Variants in CAMKMT observed in about 807,000 individuals in gnomAD.
CAMKMT encodes calmodulin-lysine N-methyltransferase, also known as CaM KMT.
Under a neutral mutation model 48.0 loss-of-function variants are expected in CAMKMT, and 53 were observed. That is an observed-to-expected ratio of 1.10 (90% CI 0.89 to 1.39). The LOEUF (loss-of-function observed/expected upper bound fraction) is 1.39. Ranked by LOEUF, CAMKMT falls within the 40% of genes most tolerant of loss-of-function variation. The probability of loss-of-function intolerance (pLI) is 0.00; values close to 1 mark genes in which losing one functional copy is unlikely to be tolerated. For missense variants in CAMKMT, 428 were observed against 402.7 expected (o/e 1.06, Z -0.54); for synonymous variants, 165 against 152.3 (o/e 1.08, Z -0.61).
intron 5 of CAMKMT, 34 bp from the exon 6 acceptor site, chr2:44,707,365 C>A (rs906014104): frequency 4.4e-6 from 7 of 1,601,582 alleles, no homozygotes; most frequent in Non-Finnish European, 6.0e-6. Flanking sequence ...AGCATATTTG[C>A]TCATTGTTTG....
intron 3 of CAMKMT, among the ~76,000 whole-genome samples, chr2:44,455,498 T>C (rs893909026): frequency 6.6e-6 from 1 of 152,204 alleles, no homozygotes; most frequent in South Asian, 2.1e-4. Context: ...TTGTCATTCA[T>C]TGCAGCTGTA....
intron 3 of CAMKMT, among the ~76,000 whole-genome samples, chr2:44,604,462 T>C (rs751658795): frequency 2.0e-5 from 3 of 151,724 alleles, no homozygotes; most frequent in East Asian, 1.9e-4. Context: ...AAACCCCATG[T>C]AGTAGGGTAA....
intron 3 of CAMKMT, among the ~76,000 whole-genome samples, chr2:44,691,203 A>C (rs1676635133): frequency 6.6e-6 from 1 of 152,188 alleles, no homozygotes; most frequent in South Asian, 2.1e-4. Flanking sequence ...CACTGCGGTG[A>C]TGGCTATGAC....
chr2:44,427,913 A>G (rs1260965141), intron 3 of CAMKMT, among the ~76,000 whole-genome samples: 1 of 152,164 alleles, frequency 6.6e-6, no homozygotes, highest in Non-Finnish European at 1.5e-5. Flanking sequence ...CTTGTGGGAA[A>G]GGGAGCATAC....
At chr2:44,627,406 A>G (rs1469898584) in intron 3 of CAMKMT, among the ~76,000 whole-genome samples, 2 of 152,146 alleles carry the variant, frequency 1.3e-5, no homozygotes, top group African/African-American at 2.4e-5. Flanking sequence ...CGTAAAATAC[A>G]CTGGCAAATG....
At chr2:44,656,702 C>A (rs1420737010) in intron 3 of CAMKMT, among the ~76,000 whole-genome samples, 1 of 152,030 alleles carries the variant, frequency 6.6e-6, no homozygotes, top group Non-Finnish European at 1.5e-5. Context: ...AGGTCCCCCC[C>A]ACCCCACCTT....
intron 3 of CAMKMT, among the ~76,000 whole-genome samples, chr2:44,675,688 C>A (rs1464318113): frequency 1.3e-5 from 2 of 151,764 alleles, no homozygotes; most frequent in African/African-American, 4.8e-5. Context: ...TAAAATTTAC[C>A]ATTTGCATCA....
chr2:44,655,369 T>C (rs1235420417), intron 3 of CAMKMT, among the ~76,000 whole-genome samples: 1 of 152,228 alleles, frequency 6.6e-6, no homozygotes, highest in Non-Finnish European at 1.5e-5. Flanking sequence ...ATCAGTTTCC[T>C]CATTCTTTTC....
intron 3 of CAMKMT, among the ~76,000 whole-genome samples, chr2:44,428,322 A>G (rs979439588): frequency 1.3e-5 from 2 of 152,212 alleles, no homozygotes; most frequent in African/African-American, 2.4e-5. Context: ...CTCTTTGACC[A>G]TAGTCTCTGA....
intron 3 of CAMKMT, among the ~76,000 whole-genome samples, chr2:44,573,042 T>C (rs1669008771): frequency 1.3e-5 from 2 of 152,042 alleles, no homozygotes; most frequent in Non-Finnish European, 2.9e-5. Flanking sequence ...GCTATTACTG[T>C]TAGTAATAGT....
At chr2:44,687,842 G>A (rs1198057461) in intron 3 of CAMKMT, among the ~76,000 whole-genome samples, 2 of 152,310 alleles carry the variant, frequency 1.3e-5, no homozygotes, top group East Asian at 1.9e-4. Flanking sequence ...AAAGCAAAAA[G>A]CAGCCTGAGT....
At chr2:44,400,673 T>C (rs1682286048) in intron 3 of CAMKMT, 1 of 152,014 alleles carries the variant, frequency 6.6e-6, no homozygotes, top group African/African-American at 2.4e-5. Flanking sequence ...GAAATATTTT[T>C]TCCCATACCA....
At position 44,751,195 on chromosome 2, in the gene CAMKMT, T is replaced by C. The variant is rs544122513; in HGVS notation, c.699-2860T>C. 1.2e-4 allele frequency among the ~76,000 whole-genome samples: 19 copies of C among 152,292 alleles called. No individual in the cohort carries two copies. The South Asian group carries it at 2.9e-3, about 23-fold the overall frequency. On this transcript the variant is annotated intron_variant, in intron 8 of 10. Transcript: ENST00000378494. ...ATGGATGCAAGTAAACAGGGATGGC[T>C]TTCTCGACCAACCCCGCCTAACTCT...
chr2:44,713,780 A>C (rs1040732567), intron 6 of CAMKMT, among the ~76,000 whole-genome samples: 2 of 152,160 alleles, frequency 1.3e-5, no homozygotes, highest in African/African-American at 4.8e-5. Flanking sequence ...TCAGAGAAGA[A>C]ATGGGTGTGC....
chr2:44,715,288 T>C lies in CAMKMT; in HGVS notation c.558T>C (p.Asn186=). Residue 186 remains asparagine (N), a splice_region_variant and synonymous_variant, in exon 7 of 11, where the codon AAT becomes AAC. Coordinates refer to ENST00000378494, the MANE Select transcript of CAMKMT (RefSeq NM_024766.5). ...LTDGNEKAIR[N]VQDIITRNQK... ...TGTTTTCTTAACTGTGTCCTGTAGA[T>C]GTGCAAGACATCATCACAAGGAATC... 6.2e-7 allele frequency: 1 copy of C among 1,612,104 alleles called. No individual in the cohort carries two copies. The highest frequency in any genetic ancestry group is 1.1e-5 in the South Asian group (1 of 91,008).
chr2:44,545,467 G>A (rs771713187), intron 3 of CAMKMT, among the ~76,000 whole-genome samples: 5 of 152,168 alleles, frequency 3.3e-5, no homozygotes, highest in South Asian at 2.1e-4. Context: ...GCTCTTCCTC[G>A]TGGAACTTAT....
intron 3 of CAMKMT, among the ~76,000 whole-genome samples, chr2:44,433,465 G>C (rs1684768937): frequency 6.6e-6 from 1 of 151,780 alleles, no homozygotes; most frequent in Non-Finnish European, 1.5e-5. Flanking sequence ...TCATAAGTTT[G>C]TATACGAAAA....
At position 44,588,617 on chromosome 2, in the gene CAMKMT, G is replaced by A. The variant is rs1371044020; in HGVS notation, c.377-115666G>A. 3.3e-4 allele frequency among the ~76,000 whole-genome samples: 13 copies of A among 39,546 alleles called. 3 individuals carry two copies. The highest frequency in any genetic ancestry group is 5.7e-4 in the Non-Finnish European group (11 of 19,150). 25.9% of individuals were successfully genotyped at this position (39,546 alleles called of 152,430 possible). A position where few individuals can be genotyped will look rare whatever the true frequency, so the allele number is the denominator to read the frequency against. On this transcript the variant is annotated intron_variant, in intron 3 of 10. Coordinates refer to ENST00000378494, the MANE Select transcript of CAMKMT (RefSeq NM_024766.5). Reference sequence around the variant, plus strand: ...GAGGGAGGTGGGGGGTCAGCCCCCCGCCCGGCCAGCCGCCCAGTCCGGGAG... The same window carrying A: ...GAGGGAGGTGGGGGGTCAGCCCCCCACCCGGCCAGCCGCCCAGTCCGGGAG...
At chr2:44,479,395 G>T (rs1299872099) in intron 3 of CAMKMT, among the ~76,000 whole-genome samples, 1 of 152,146 alleles carries the variant, frequency 6.6e-6, no homozygotes, top group Admixed American at 6.5e-5. Flanking sequence ...CAGAGTTCAC[G>T]GTTGTGGGTT....
Sources: gnomAD v4.1 joint callset for allele counts (sites outside exome capture counted in the v4.1 genomes callset) on GRCh38, gnomAD v4.1.1 for gene constraint, MANE v1.5 for transcripts, NCBI Gene and HGNC (gene_info 2026-07-23, HGNC 2026-07-21) for gene names.